Variants in ATP2B2 observed in about 807,000 individuals in gnomAD.
ATP2B2 encodes ATPase plasma membrane Ca2+ transporting 2.
A neutral mutation model predicts 120.0 loss-of-function variants in ATP2B2; 15 were observed. The observed-to-expected ratio is 0.12, with a 90% CI of 0.08 to 0.19. The LOEUF (loss-of-function observed/expected upper bound fraction) is 0.19, where lower values mean the gene tolerates loss of function less well. Ranked by LOEUF, ATP2B2 falls within the 10% of genes least tolerant of loss-of-function variation. The probability of loss-of-function intolerance (pLI) is 1.00; values close to 1 mark genes in which losing one functional copy is unlikely to be tolerated. For synonymous variants in ATP2B2, 694 were observed against 700.3 expected (o/e 0.99, Z 0.14); for missense variants, 1,045 against 1,719.8 (o/e 0.61, Z 6.94).
At chr3:10,368,164 C>T (rs1008091132) in intron 12 of ATP2B2, among the ~76,000 whole-genome samples, 1 of 151,234 alleles carries the variant, frequency 6.6e-6, no homozygotes, top group Admixed American at 6.6e-5. Flanking sequence ...GTAGACCTTG[C>T]AATCTATCCT....
intron 1 of ATP2B2, among the ~76,000 whole-genome samples, chr3:10,639,891 G>A (rs1380508845): frequency 6.6e-6 from 1 of 152,244 alleles, no homozygotes; most frequent in East Asian, 1.9e-4. Context: ...GTGCTCAGGG[G>A]TGCAGTCCCT....
intron 12 of ATP2B2, among the ~76,000 whole-genome samples, chr3:10,367,952 G>C (rs1363936104): frequency 1.3e-5 from 2 of 152,228 alleles, no homozygotes; most frequent in Non-Finnish European, 2.9e-5. Flanking sequence ...TCACACAGGT[G>C]ATGAGTGTTG....
chr3:10,703,597 T>C (rs1227822648), intron 1 of ATP2B2, among the ~76,000 whole-genome samples: 1 of 152,218 alleles, frequency 6.6e-6, no homozygotes, highest in Non-Finnish European at 1.5e-5. Flanking sequence ...ACACACCTTT[T>C]AGCCCGCACA....
chr3:10,394,415 A>C, intron 5 of ATP2B2: 1 of 470,062 alleles, frequency 2.1e-6, no homozygotes, highest in South Asian at 1.6e-5. Flanking sequence ...CCCTCCACCC[A>C]CCACTTTCTG....
intron 5 of ATP2B2, among the ~76,000 whole-genome samples, chr3:10,399,141 C>T (rs1419050015): frequency 2.6e-5 from 4 of 152,228 alleles, no homozygotes; most frequent in Non-Finnish European, 5.9e-5. Flanking sequence ...ATGCCTGCCC[C>T]GGGCTTCCAC....
intron 2 of ATP2B2, among the ~76,000 whole-genome samples, chr3:10,446,674 G>T (rs2063847341): frequency 6.6e-6 from 1 of 152,164 alleles, no homozygotes; most frequent in Admixed American, 6.5e-5. Context: ...CCCCCTGGGA[G>T]ATGCTTCTAG....
intron 2 of ATP2B2, among the ~76,000 whole-genome samples, chr3:10,541,184 T>C (rs922214918): frequency 6.6e-6 from 1 of 152,180 alleles, no homozygotes; most frequent in Non-Finnish European, 1.5e-5. Flanking sequence ...TTTGCTAGAA[T>C]TTTTTGATGT....
chr3:10,461,299 G>C (rs911891693), intron 1 of ATP2B2, among the ~76,000 whole-genome samples: 2 of 152,184 alleles, frequency 1.3e-5, no homozygotes, highest in Non-Finnish European at 2.9e-5. Flanking sequence ...TTCCACACTT[G>C]AGCCCTGGTT....
At chr3:10,471,809 TA>T (rs1359534310) in intron 1 of ATP2B2, among the ~76,000 whole-genome samples, 10 of 152,092 alleles carry the variant, frequency 6.6e-5, no homozygotes, top group East Asian at 1.9e-4. Context: ...AATTTTCTTT[TA>T]AAAAAATAGA....
chr3:10,411,966 G>A (rs1056115086), intron 2 of ATP2B2, among the ~76,000 whole-genome samples: 3 of 152,132 alleles, frequency 2.0e-5, no homozygotes, highest in South Asian at 4.1e-4. Context: ...CCACTCTCAC[G>A]CACCTGCTCA....
intron 3 of ATP2B2, among the ~76,000 whole-genome samples, chr3:10,530,294 C>A (rs1213399224): frequency 1.3e-5 from 2 of 152,304 alleles, no homozygotes; most frequent in East Asian, 3.9e-4. Flanking sequence ...CCATCGAATC[C>A]TTCCGACATC....
At chr3:10,652,772 G>A (rs2070500480) in intron 1 of ATP2B2, among the ~76,000 whole-genome samples, 2 of 152,164 alleles carry the variant, frequency 1.3e-5, no homozygotes, top group African/African-American at 2.4e-5. Context: ...AATATTGTTC[G>A]GCCTCAAAAA....
intron 1 of ATP2B2, among the ~76,000 whole-genome samples, chr3:10,652,560 A>G (rs916968302): frequency 2.0e-5 from 3 of 152,292 alleles, no homozygotes; most frequent in Non-Finnish European, 2.9e-5. Flanking sequence ...ATTCCTTGAA[A>G]ACTTAAACTT....
At chr3:10,670,051 G>A (rs967373116) in intron 1 of ATP2B2, among the ~76,000 whole-genome samples, 2 of 152,206 alleles carry the variant, frequency 1.3e-5, no homozygotes, top group Non-Finnish European at 2.9e-5. Flanking sequence ...ATGCAAGAAA[G>A]ATTTGAGAAT....
chr3:10,571,286 CAGG>C (rs1182821229), intron 2 of ATP2B2, among the ~76,000 whole-genome samples: 2 of 152,186 alleles, frequency 1.3e-5, no homozygotes, highest in Non-Finnish European at 2.9e-5. Context: ...TGTATGAGGC[CAGG>C]AGGACTGCCT....
At chr3:10,427,867 G>A (rs2125089017) in intron 2 of ATP2B2, among the ~76,000 whole-genome samples, 1 of 152,296 alleles carries the variant, frequency 6.6e-6, no homozygotes, top group East Asian at 1.9e-4. Context: ...TAACTGTTAT[G>A]AAGGCCTGTT....
intron 1 of ATP2B2, among the ~76,000 whole-genome samples, chr3:10,632,154 G>A (rs1384262625): frequency 1.3e-5 from 2 of 152,220 alleles, no homozygotes; most frequent in Non-Finnish European, 2.9e-5. Context: ...TGGGCTTGGA[G>A]AGAGTTTTAA....
intron 1 of ATP2B2, among the ~76,000 whole-genome samples, chr3:10,686,375 C>T (rs1379655282): frequency 6.6e-6 from 1 of 152,158 alleles, no homozygotes; most frequent in Non-Finnish European, 1.5e-5. Flanking sequence ...ACACAATTGG[C>T]TGGGCGTGGT....
At chr3:10,609,217 T>TGTA (rs2069164404) in intron 2 of ATP2B2, among the ~76,000 whole-genome samples, 3 of 151,760 alleles carry the variant, frequency 2.0e-5, no homozygotes, top group Admixed American at 2.0e-4. Context: ...CCAGGCAAGC[T>TGTA]GTAACCCAGG....
Sources: gnomAD v4.1 joint callset for allele counts (sites outside exome capture counted in the v4.1 genomes callset) on GRCh38, gnomAD v4.1.1 for gene constraint, MANE v1.5 for transcripts, NCBI Gene and HGNC (gene_info 2026-07-23, HGNC 2026-07-21) for gene names.